GBX2: variants seen among roughly 807,000 people sequenced by gnomAD.
The protein encoded by GBX2 is gastrulation brain homeobox 2.
In GBX2, 5 loss-of-function variants were observed where a neutral mutation model predicts 22.4. The ratio of observed to expected loss-of-function variants is 0.22; its 90% CI spans 0.12 to 0.47. The LOEUF (loss-of-function observed/expected upper bound fraction) is 0.47, where lower values mean the gene tolerates loss of function less well. Among genes scored for constraint, GBX2 ranks in the 20% least tolerant of loss-of-function variants. The pLI is 0.99. For synonymous variants in GBX2, 220 were observed against 230.5 expected (o/e 0.95, Z 0.41); for missense variants, 470 against 495.4 (o/e 0.95, Z 0.49).
chr2:236,166,559 A>C lies in GBX2; in HGVS notation c.524-122T>G. The C allele has an allele frequency of 7.4e-6, 6 of 812,862 alleles. No homozygotes were observed. The highest frequency in any genetic ancestry group is 1.8e-5 in the African/African-American group (1 of 55,758). 50.4% of individuals were successfully genotyped at this position (812,862 alleles called of 1,614,324 possible). A position where few individuals can be genotyped will look rare whatever the true frequency, so the allele number is the denominator to read the frequency against. Reference sequence around the variant, plus strand: ...CCACCCTTTAGCGGATTGTCTTTCTATGACATTAACACATTGTGATTTCCT... The same window carrying C: ...CCACCCTTTAGCGGATTGTCTTTCTCTGACATTAACACATTGTGATTTCCT... On this transcript the variant is annotated intron_variant, in intron 1 of 1. Coordinates refer to ENST00000306318, the MANE Select transcript of GBX2 (RefSeq NM_001485.4). The surrounding 1 kb of genome is among the most constrained non-coding windows in gnomAD (Gnocchi z 6.6).
downstream of GBX2, among the ~76,000 whole-genome samples, chr2:236,164,289 G>A (rs1303652768): frequency 3.9e-5 from 6 of 152,148 alleles, no homozygotes; most frequent in Non-Finnish European, 8.8e-5. Context: ...TCCCCCACTC[G>A]AAAGGCTGAG....
In GBX2 at chr2:236,168,019, C is replaced by T; in HGVS notation, c.-48G>A. The T allele has an allele frequency of 2.1e-6, 3 of 1,396,794 alleles. No homozygotes were observed. Among genetic ancestry groups the T allele is most frequent in the Non-Finnish European group, 2.8e-6 (3 of 1,075,998 alleles). The allele number at this position is 1,396,794 out of a possible 1,614,324, so 86.5% of individuals were successfully genotyped here. A position where few individuals can be genotyped will look rare whatever the true frequency, so the allele number is the denominator to read the frequency against. On this transcript the variant is annotated 5_prime_UTR_variant, in exon 1 of 2. Transcript: ENST00000306318. ...CGAGAGGCGAAAAGTCCCCGCGCCG[C>T]GCCGCCGCCGGGAAGCCCGCCGGAC...
downstream of GBX2, among the ~76,000 whole-genome samples, chr2:236,164,398 C>T (rs1055806598): frequency 2.0e-4 from 30 of 152,132 alleles, no homozygotes; most frequent in African/African-American, 4.8e-4. Flanking sequence ...GCCTGTCCGC[C>T]GCAGTATCTG....
At chr2:236,167,194 A>T in intron 1 of GBX2, 4 of 1,535,302 alleles carry the variant, frequency 2.6e-6, no homozygotes, top group Non-Finnish European at 3.5e-6. Flanking sequence ...ACGCATCGTC[A>T]GATAGATATG....
rs1411805510 is a variant in GBX2, at chr2:236,167,521, C to A, written c.451G>T (p.Gly151Cys). ...AEALQADAED[G>C]KGFLAKEGSL... ...CCCTCTTTGGCCAGGAAGCCTTTGC[C>A]GTCCTCCGCGTCAGCCTGCAGCGCC... Residue 151 changes from glycine to cysteine, a missense_variant, in exon 1 of 2, where the codon GGC becomes TGC. This residue lies in a region of GBX2 where 377 missense variants were observed against 358.6 expected (regional missense o/e 1.05). Transcript: ENST00000306318. 22 of 1,597,276 alleles carry A rather than the reference C, an allele frequency of 1.4e-5. 1 individual carries two copies. The highest frequency in any genetic ancestry group is 1.8e-5 in the Non-Finnish European group (21 of 1,175,342).
chr2:236,166,269 G>T lies in GBX2; in HGVS notation c.692C>A (p.Thr231Asn). The part of the protein sequence containing the change: ...EEDPGHALEE[T>N]PPSSGAAGST... ...GCCCGCGGCGCCGCTGCTCGGCGGG[G>T]TCTCCTCCAGCGCGTGGCCCGGGTC... is the stretch of plus-strand genomic sequence containing the variant. Residue 231 changes from threonine (T) to asparagine (N), a missense_variant, in exon 2 of 2, where the codon ACC (threonine) becomes AAC (asparagine). Around this residue, in one of 4 missense-constraint regions of GBX2, gnomAD observed 377 missense variants for 358.6 expected, o/e 1.05. Transcript: ENST00000306318. The surrounding 1 kb of genome is among the most constrained non-coding windows in gnomAD (Gnocchi z 6.6). 1 of 1,613,706 alleles carries T rather than the reference G, an allele frequency of 6.2e-7. No homozygotes were observed. The highest frequency in any genetic ancestry group is 1.3e-5 in the African/African-American group (1 of 75,060).
At position 236,166,990 on chromosome 2, in the gene GBX2, A is replaced by C. The variant is rs1324756250; in HGVS notation, c.523+459T>G. The stretch of plus-strand genomic sequence containing the variant: ...AGTTCCCACCAGACACCCCCAACAC[A>C]AACACACAGGCACAGCCTCCCAGCA... On this transcript the variant is annotated intron_variant, in intron 1 of 1. Transcript: ENST00000306318. The surrounding 1 kb of genome is among the most constrained non-coding windows in gnomAD (Gnocchi z 6.6). The C allele has an allele frequency of 1.4e-6, 1 of 728,638 alleles. No homozygotes were observed. Among genetic ancestry groups the C allele is most frequent in the Non-Finnish European group, 2.3e-6 (1 of 430,340 alleles). 45.1% of individuals were successfully genotyped at this position (728,638 alleles called of 1,614,324 possible).
chr2:236,162,366 G>A (rs2060216945), downstream of GBX2, among the ~76,000 whole-genome samples: 1 of 152,234 alleles, frequency 6.6e-6, no homozygotes, highest in South Asian at 2.1e-4. Context: ...GGATGCACAA[G>A]CATGCACTAA....
At chr2:236,162,307 G>C (rs1365746793), downstream of GBX2, among the ~76,000 whole-genome samples, 2 of 152,238 alleles carry the variant, frequency 1.3e-5, no homozygotes, top group Non-Finnish European at 2.9e-5. Flanking sequence ...AGCTGACAAG[G>C]CATCTGTGAA....
chr2:236,167,655 G>C lies in GBX2; in HGVS notation c.317C>G (p.Ala106Gly), dbSNP rs922198624. 5.0e-6 allele frequency: 8 copies of C among 1,593,488 alleles called. No homozygotes were observed. The highest frequency in any genetic ancestry group is 1.7e-5 in the Admixed American group (1 of 59,222). ...QGMALTSTLM[A>G]TLPGGFSASP... The stretch of plus-strand genomic sequence containing the variant: ...CGCGGAGAAGCCGCCGGGGAGCGTG[G>C]CCATGAGCGTAGAGGTGAGCGCCAT... Residue 106 changes from alanine to glycine, a missense_variant, in exon 1 of 2, where the codon GCC (alanine) becomes GGC (glycine). Transcript: ENST00000306318.
chr2:236,162,855 G>C (rs953733909), downstream of GBX2, among the ~76,000 whole-genome samples: 3 of 152,204 alleles, frequency 2.0e-5, no homozygotes, highest in African/African-American at 7.2e-5. Context: ...ATTTCCAACA[G>C]CATCTCAGGC....
At chr2:236,163,051 T>C (rs1443499547), downstream of GBX2, among the ~76,000 whole-genome samples, 1 of 152,206 alleles carries the variant, frequency 6.6e-6, no homozygotes, top group Non-Finnish European at 1.5e-5. Flanking sequence ...CCTGGCTTGA[T>C]TACAATTTGC....
At chr2:236,167,223 G>A (rs1388568694) in intron 1 of GBX2, 19 of 1,527,228 alleles carry the variant, frequency 1.2e-5, no homozygotes, top group Non-Finnish European at 1.6e-5. Context: ...GGCAGCAGCT[G>A]GTCGCCGGGC....
chr2:236,164,427 C>CGGCAGCGAGCGGACAGGGCTCT, downstream of GBX2, among the ~76,000 whole-genome samples: 1 of 152,160 alleles, frequency 6.6e-6, no homozygotes, highest in Non-Finnish European at 1.5e-5. Context: ...CTTCGGGGTC[C>CGGCAGCGAGCGGACAGGGCTCT]GGCAGCGAGC....
At chr2:236,163,566 G>A (rs1156297883), downstream of GBX2, among the ~76,000 whole-genome samples, 1 of 152,190 alleles carries the variant, frequency 6.6e-6, no homozygotes, top group African/African-American at 2.4e-5. Flanking sequence ...GGGATATGGG[G>A]GGCACTCCAG....
Position 236,166,290 on chromosome 2 carries a change from G to A in GBX2, c.671C>T (p.Pro224Leu). 3 of 1,613,818 alleles carry A rather than the reference G, an allele frequency of 1.9e-6. No individual in the cohort carries two copies. Among genetic ancestry groups the A allele is most frequent in the Non-Finnish European group, 2.5e-6 (3 of 1,180,012 alleles). The change falls in exon 2 of 2, where the codon CCG (proline) becomes CTG (leucine). Residue 224 changes from proline to leucine, a missense_variant. Physicochemically the swap from Pro to Leu is moderately conservative, Grantham distance 98 (BLOSUM62 -3). This residue lies in a region of GBX2 where 377 missense variants were observed against 358.6 expected (regional missense o/e 1.05). Coordinates refer to ENST00000306318, the MANE Select transcript of GBX2 (RefSeq NM_001485.4). This position sits in a 1 kb window ranked among gnomAD's most constrained non-coding sequence, Gnocchi z 6.6. ...TGQAAHKEED[P>L]GHALEETPPS... ...CGGGGTCTCCTCCAGCGCGTGGCCC[G>A]GGTCTTCCTCCTTGTGAGCTGCCTG...
rs1033848639 is a variant in GBX2 at position 236,166,932 on chromosome 2, A to G, written c.524-495T>C. On this transcript the variant is annotated intron_variant, in intron 1 of 1. Transcript: ENST00000306318. This position sits in a 1 kb window ranked among gnomAD's most constrained non-coding sequence, Gnocchi z 6.6. ...CAGACCATCTTTTTTGAGACAGACA[A>G]CGTTGGTCAAAGGGATGTTTTGTGG... Among the ~76,000 whole-genome samples the G allele has an allele frequency of 1.2e-4, 18 of 152,174 alleles. No individual in the cohort carries two copies. The highest frequency in any genetic ancestry group is 4.3e-4 in the African/African-American group (18 of 41,450).
At position 236,167,413 on chromosome 2, in the gene GBX2, G is replaced by T. The variant is rs755575190; in HGVS notation, c.523+36C>A. ...CGCTGGCCCGCCCCCGCCTCCTCCC[G>T]CCCCCTCGTCCCGGCTGCGCGCGCC... On this transcript the variant is annotated intron_variant, in intron 1 of 1. Transcript: ENST00000306318. 5 of 1,366,400 alleles carry T rather than the reference G, an allele frequency of 3.7e-6. No individual in the cohort carries two copies. The South Asian group carries it at 7.2e-5, about 20-fold the overall frequency. The allele number at this position is 1,366,400 out of a possible 1,614,324, so 84.6% of individuals were successfully genotyped here. A position where few individuals can be genotyped will look rare whatever the true frequency, so the allele number is the denominator to read the frequency against.
chr2:236,163,649 C>T (rs2060222728), downstream of GBX2, among the ~76,000 whole-genome samples: 1 of 152,178 alleles, frequency 6.6e-6, no homozygotes, highest in Admixed American at 6.5e-5. Flanking sequence ...AGCTCCCCAA[C>T]CTTCCCGGGT....
Sources: allele counts gnomAD v4.1 joint callset (sites outside exome capture counted in the v4.1 genomes callset), GRCh38; gene constraint gnomAD v4.1.1; regional missense constraint gnomAD v4.1.1; non-coding constraint Gnocchi (gnomAD v3.1); transcripts MANE v1.5; gene names NCBI Gene and HGNC (gene_info 2026-07-23, HGNC 2026-07-21).